CHRM3: variants seen among roughly 807,000 people sequenced by gnomAD.
CHRM3 encodes the protein muscarinic acetylcholine receptor M3.
CHRM3 carries 11 observed loss-of-function variants against 41.8 expected under a neutral mutation model. That is an observed-to-expected ratio of 0.26 (90% CI 0.17 to 0.44). The LOEUF (loss-of-function observed/expected upper bound fraction) is 0.44. CHRM3 is among the 20% of genes least tolerant of loss of function. The probability of loss-of-function intolerance (pLI) is 1.00; values close to 1 mark genes in which losing one functional copy is unlikely to be tolerated. For missense variants in CHRM3, 571 were observed against 745.4 expected, an observed-to-expected ratio of 0.77 and a Z score of 2.72; for synonymous variants, 297 against 301.4, an observed-to-expected ratio of 0.99 and a Z score of 0.15.
chr1:239,777,641 C>G (rs916474482), intron 5 of CHRM3, among the ~76,000 whole-genome samples: 1 of 152,142 alleles, frequency 6.6e-6, no homozygotes, highest in South Asian at 2.1e-4. Flanking sequence ...TGAAAAAGCA[C>G]AGCTTTCTTC....
chr1:239,534,771 G>A (rs1466115321), intron 2 of CHRM3, among the ~76,000 whole-genome samples: 1 of 152,128 alleles, frequency 6.6e-6, no homozygotes, highest in East Asian at 1.9e-4. Context: ...GGAACATTTA[G>A]TATTTTACTT....
intron 6 of CHRM3, among the ~76,000 whole-genome samples, chr1:239,889,965 A>C (rs1175406134): frequency 6.6e-6 from 1 of 152,186 alleles, no homozygotes; most frequent in Non-Finnish European, 1.5e-5. Flanking sequence ...GTATGAACAT[A>C]ACAATAATCA....
intron 2 of CHRM3, among the ~76,000 whole-genome samples, chr1:239,507,119 A>C (rs2148173778): frequency 6.6e-6 from 1 of 152,272 alleles, no homozygotes. Flanking sequence ...CTTTTGAGTT[A>C]ATGATGAAAT....
chr1:239,489,999 A>G (rs1258125849), intron 1 of CHRM3, among the ~76,000 whole-genome samples: 1 of 152,148 alleles, frequency 6.6e-6, no homozygotes, highest in Non-Finnish European at 1.5e-5. Context: ...CTCTTCCCCT[A>G]CTCACTGTGG....
intron 4 of CHRM3, among the ~76,000 whole-genome samples, chr1:239,664,354 C>T (rs1435533172): frequency 6.6e-6 from 1 of 152,182 alleles, no homozygotes; most frequent in African/African-American, 2.4e-5. Flanking sequence ...TGTTAAAAGT[C>T]CTGCTTGTGT....
chr1:239,409,857 A>G (rs1660930701), intron 1 of CHRM3, among the ~76,000 whole-genome samples: 1 of 152,126 alleles, frequency 6.6e-6, no homozygotes, highest in South Asian at 2.1e-4. Flanking sequence ...CAGAAGAATC[A>G]CTTGAACTGG....
At position 239,907,432 on chromosome 1, in the gene CHRM3, G is replaced by C. The variant is rs1361637125; in HGVS notation, c.-19-1G>C. 6.3e-7 allele frequency: 1 copy of C among 1,596,954 alleles called. No homozygotes were observed. Among genetic ancestry groups the C allele is most frequent in the Non-Finnish European group, 8.6e-7 (1 of 1,168,804 alleles). On this transcript the variant is annotated splice_acceptor_variant, in intron 6 of 6. Coordinates refer to ENST00000676153, the MANE Select transcript of CHRM3 (RefSeq NM_001375978.1). LOFTEE classifies it low-confidence loss of function (5UTR_SPLICE). This position sits in a 1 kb window ranked among gnomAD's most constrained non-coding sequence, Gnocchi z 5.4. ...CTCTGTCTCTTCTCTCTTTCCCCCAGACTATGTCAGAGAGTCACAATGACC... is the reference window on the plus strand; with the variant it reads ...CTCTGTCTCTTCTCTCTTTCCCCCACACTATGTCAGAGAGTCACAATGACC...
At chr1:239,428,039 G>T (rs1201013718) in intron 1 of CHRM3, among the ~76,000 whole-genome samples, 1 of 152,146 alleles carries the variant, frequency 6.6e-6, no homozygotes, top group African/African-American at 2.4e-5. Flanking sequence ...GAAGATAGGG[G>T]TAGAAAGTTT....
chr1:239,606,878 C>T (rs188533212), intron 3 of CHRM3, among the ~76,000 whole-genome samples: 5 of 152,268 alleles, frequency 3.3e-5, no homozygotes, highest in East Asian at 1.9e-4. Flanking sequence ...CATCCAAAAA[C>T]GTTATCACCA....
chr1:239,733,559 T>C (rs1253866184), intron 5 of CHRM3, among the ~76,000 whole-genome samples: 1 of 152,070 alleles, frequency 6.6e-6, no homozygotes, highest in East Asian at 1.9e-4. Flanking sequence ...TTAGTAAGTG[T>C]TTATTTTGCT....
At chr1:239,439,397 A>G (rs1663527963) in intron 1 of CHRM3, among the ~76,000 whole-genome samples, 1 of 152,168 alleles carries the variant, frequency 6.6e-6, no homozygotes, top group Non-Finnish European at 1.5e-5. Context: ...GAAATAAGTA[A>G]TATTGGAATT....
At chr1:239,488,332 T>G (rs574349770) in intron 1 of CHRM3, among the ~76,000 whole-genome samples, 4 of 152,280 alleles carry the variant, frequency 2.6e-5, no homozygotes, top group Non-Finnish European at 5.9e-5. Context: ...ACAGAAAGTA[T>G]TATTACAGTG....
chr1:239,858,399 G>A (rs11577106), intron 6 of CHRM3, among the ~76,000 whole-genome samples: 8,485 of 151,878 alleles, frequency 0.056, 329 homozygotes, highest in Middle Eastern at 0.1. Flanking sequence ...TGTAAGTATC[G>A]TAGTTGGAGT....
intron 5 of CHRM3, among the ~76,000 whole-genome samples, chr1:239,795,976 G>T (rs1428356752): frequency 6.6e-6 from 1 of 152,158 alleles, no homozygotes; most frequent in Non-Finnish European, 1.5e-5. Context: ...TGTGTTCAGT[G>T]ACATTTACAT....
intron 1 of CHRM3, among the ~76,000 whole-genome samples, chr1:239,450,085 A>G (rs551245607): frequency 2.2e-4 from 34 of 152,162 alleles, no homozygotes; most frequent in Non-Finnish European, 3.7e-4. Flanking sequence ...TGTCGATTAC[A>G]TGTTTTGCCC....
intron 6 of CHRM3, among the ~76,000 whole-genome samples, chr1:239,869,387 G>A (rs762483436): frequency 1.4e-4 from 21 of 152,266 alleles, no homozygotes; most frequent in Non-Finnish European, 2.1e-4. Context: ...CTCTCCATCT[G>A]AAAAGAACCC....
chr1:239,601,791 ATTG>A (rs1665572836), intron 3 of CHRM3, among the ~76,000 whole-genome samples: 1 of 151,832 alleles, frequency 6.6e-6, no homozygotes, highest in Non-Finnish European at 1.5e-5. Flanking sequence ...TGTCCTTTTC[ATTG>A]TTTTCTGTTT....
chr1:239,487,052 A>C (rs1254923254), intron 1 of CHRM3, among the ~76,000 whole-genome samples: 1 of 152,214 alleles, frequency 6.6e-6, no homozygotes, highest in East Asian at 1.9e-4. Flanking sequence ...GATGCAGAAC[A>C]TATTAAATTC....
chr1:239,684,770 G>GAAAGAAAGAA (rs142339442), intron 5 of CHRM3, among the ~76,000 whole-genome samples: 23 of 129,198 alleles, frequency 1.8e-4, no homozygotes, highest in South Asian at 8.3e-4. Context: ...AAGAAAGAAA[G>GAAAGAAAGAA]AGAAAGAGAA....
Sources: gnomAD v4.1 joint callset for allele counts (sites outside exome capture counted in the v4.1 genomes callset) on GRCh38, gnomAD v4.1.1 for gene constraint, Gnocchi (gnomAD v3.1) non-coding constraint, MANE v1.5 for transcripts, NCBI Gene and HGNC (gene_info 2026-07-23, HGNC 2026-07-21) for gene names.